The following CTBP2 variants were observed in gnomAD, a reference collection of about 807,000 sequenced individuals.
CTBP2 encodes the protein C-terminal-binding protein 2.
Under a neutral mutation model 80.3 loss-of-function variants are expected in CTBP2, and 30 were observed. That is an observed-to-expected ratio of 0.37 (90% CI 0.28 to 0.51). The LOEUF (loss-of-function observed/expected upper bound fraction) is 0.51, where lower values mean the gene tolerates loss of function less well. Among genes scored for constraint, CTBP2 ranks in the 20% least tolerant of loss-of-function variants. The pLI, the probability that CTBP2 is intolerant of heterozygous loss-of-function variation, is 0.93. For missense variants in CTBP2, 1,212 were observed against 1,375.3 expected (o/e 0.88, Z 1.88); for synonymous variants, 594 against 587.4 (o/e 1.01, Z -0.16).
intron 1 of CTBP2, among the ~76,000 whole-genome samples, chr10:125,013,946 G>A (rs1956207636): frequency 6.6e-6 from 1 of 152,174 alleles, no homozygotes; most frequent in South Asian, 2.1e-4. Context: ...TTTACTGCAG[G>A]AATGTGATTG....
At position 125,100,265 on chromosome 10, in the gene CTBP2, T is replaced by C. The variant is rs140594227; in HGVS notation, c.-102+10725A>G. Among the ~76,000 whole-genome samples the C allele has an allele frequency of 2.8e-4, 43 of 152,330 alleles. No homozygotes were observed. The East Asian group carries it at 7.9e-3, about 28-fold the overall frequency. ...GCAGACAACAGTGAAAAAAATGGTA[T>C]TTGATGATTGGCCACCCAATTCTCA... On this transcript the variant is annotated intron_variant, in intron 2 of 10. Coordinates refer to the CTBP2 transcript ENST00000337195.
At chr10:125,092,643 T>C (rs1173347358) in intron 2 of CTBP2, among the ~76,000 whole-genome samples, 3 of 152,268 alleles carry the variant, frequency 2.0e-5, no homozygotes, top group Non-Finnish European at 2.9e-5. Context: ...AGTTCCATAG[T>C]AGCAAGTCAG....
intron 2 of CTBP2, among the ~76,000 whole-genome samples, chr10:125,078,942 C>G (rs1846724754): frequency 6.7e-6 from 1 of 149,408 alleles, no homozygotes; most frequent in Non-Finnish European, 1.5e-5. Flanking sequence ...AGTTCAAGAC[C>G]AGCCTGGCCA....
intron 3 of CTBP2, among the ~76,000 whole-genome samples, chr10:125,033,773 C>T (rs1033705532): frequency 4.6e-5 from 7 of 152,002 alleles, no homozygotes; most frequent in Non-Finnish European, 7.4e-5. Context: ...CCAAAGGTGC[C>T]GGGACCAAGA....
rs1349851095 is a variant in CTBP2, at chr10:125,150,632, T to TGACTAA, written c.-206+9681_-206+9686dup. ...CCCTGACTCTTCATTGGTAAAACAGTGACTAACTATCACCTGTGCCTCTGC... is the reference window on the plus strand; with the variant it reads ...CCCTGACTCTTCATTGGTAAAACAGTGACTAAGACTAACTATCACCTGTGCCTCTGC... On this transcript the variant is annotated intron_variant, in intron 1 of 10. Transcript: ENST00000337195. Among the ~76,000 whole-genome samples, 8 of 151,726 alleles carry TGACTAA rather than the reference T, an allele frequency of 5.3e-5. No individual in the cohort carries two copies. The East Asian group carries it at 1.4e-3, about 27-fold the overall frequency.
intron 2 of CTBP2, among the ~76,000 whole-genome samples, chr10:125,076,063 C>T (rs1249718045): frequency 6.6e-6 from 1 of 152,226 alleles, no homozygotes; most frequent in Non-Finnish European, 1.5e-5. Context: ...GTGCTATCAT[C>T]ACACAATGGA....
intron 2 of CTBP2, among the ~76,000 whole-genome samples, chr10:125,044,345 G>A (rs1960683278): frequency 6.6e-6 from 1 of 152,230 alleles, no homozygotes; most frequent in African/African-American, 2.4e-5. Context: ...TGTGGTGCTG[G>A]CGGCACATCT....
chr10:125,050,953 A>AG (rs995134855), intron 2 of CTBP2, among the ~76,000 whole-genome samples: 36 of 152,176 alleles, frequency 2.4e-4, no homozygotes, highest in African/African-American at 8.2e-4. Flanking sequence ...CTGGATGAGG[A>AG]GGGTGGATGG....
chr10:125,147,110 G>C (rs553036934), intron 1 of CTBP2, among the ~76,000 whole-genome samples: 1 of 152,342 alleles, frequency 6.6e-6, no homozygotes, highest in African/African-American at 2.4e-5. Context: ...GGACCTGGGA[G>C]GGTGAAGGGA....
At chr10:125,160,258 C>G (rs1221421045) in intron 1 of CTBP2, 61 bp downstream of exon 1, 5 of 151,980 alleles carry the variant, frequency 3.3e-5, no homozygotes, top group South Asian at 1.8e-4. Flanking sequence ...GCCCCCAGCC[C>G]GCGGCCGCAG....
intron 2 of CTBP2, among the ~76,000 whole-genome samples, chr10:125,039,502 C>A (rs1478558581): frequency 6.6e-6 from 1 of 152,218 alleles, no homozygotes; most frequent in Non-Finnish European, 1.5e-5. Context: ...TGGCAGAGAC[C>A]AAGTGACAGC....
At chr10:125,000,876 G>A (rs1039423270) in intron 3 of CTBP2, 4 of 152,274 alleles carry the variant, frequency 2.6e-5, no homozygotes, top group African/African-American at 9.6e-5. Flanking sequence ...AAGGACGTCT[G>A]GACAGAGGCT....
chr10:125,086,895 A>G (rs1337345219), intron 2 of CTBP2, among the ~76,000 whole-genome samples: 1 of 152,048 alleles, frequency 6.6e-6, no homozygotes, highest in Non-Finnish European at 1.5e-5. Flanking sequence ...CTAGAACACA[A>G]GTTCAGTGGG....
intron 1 of CTBP2, among the ~76,000 whole-genome samples, chr10:125,008,714 G>A (rs183441715): frequency 9.2e-5 from 14 of 152,306 alleles, no homozygotes; most frequent in Admixed American, 2.0e-4. Flanking sequence ...TTTCCTCCCC[G>A]TCTAATTAGG....
chr10:125,079,024 G>A (rs1271656373), intron 2 of CTBP2, among the ~76,000 whole-genome samples: 2 of 151,406 alleles, frequency 1.3e-5, no homozygotes, highest in South Asian at 2.1e-4. Context: ...ACGAGTGCCT[G>A]TAATGCCAGC....
chr10:125,036,332 G>A lies in CTBP2; in HGVS notation c.58+2665C>T, dbSNP rs56863122. Among the ~76,000 whole-genome samples, 9 of 152,278 alleles carry A rather than the reference G, an allele frequency of 5.9e-5. No individual in the cohort carries two copies. In the East Asian group the frequency reaches 1.5e-3, roughly 26 times the overall value. On this transcript the variant is annotated intron_variant, in intron 3 of 10. Coordinates refer to the CTBP2 transcript ENST00000337195. ...AGAGGCCTGCCTGATTCCAGCCTAG[G>A]GACCCACGACCAGGGCTTGATGTTG...
Position 125,027,912 on chromosome 10 carries a change from A to C in CTBP2, c.-153T>G. 1 of 1,425,642 alleles carries C rather than the reference A, an allele frequency of 7.0e-7. No homozygotes were observed. Among genetic ancestry groups the C allele is most frequent in the Non-Finnish European group, 9.1e-7 (1 of 1,094,644 alleles). 88.3% of individuals were successfully genotyped at this position (1,425,642 alleles called of 1,614,324 possible). On this transcript the variant is annotated 5_prime_UTR_variant, in exon 1 of 9. Coordinates refer to ENST00000309035, the MANE Select transcript of CTBP2 (RefSeq NM_022802.3). Reference sequence around the variant, plus strand: ...GTTTTCTGTTTCAAAGCATGGCCTGAATTATTAATCCTCCGAAACCTTAGC... The same window carrying C: ...GTTTTCTGTTTCAAAGCATGGCCTGCATTATTAATCCTCCGAAACCTTAGC...
At chr10:124,992,384 G>A (rs558122333) in intron 8 of CTBP2, among the ~76,000 whole-genome samples, 45 of 151,980 alleles carry the variant, frequency 3.0e-4, no homozygotes, top group African/African-American at 8.9e-4. Context: ...GCAGGTGTGC[G>A]CCACCACACG....
intron 1 of CTBP2, among the ~76,000 whole-genome samples, chr10:125,153,619 C>T (rs1032899031): frequency 2.6e-5 from 4 of 152,184 alleles, no homozygotes; most frequent in Non-Finnish European, 4.4e-5. Flanking sequence ...CACACACCTG[C>T]GGCAGGTACA....
Sources: gnomAD v4.1 joint callset for allele counts (sites outside exome capture counted in the v4.1 genomes callset) on GRCh38, gnomAD v4.1.1 for gene constraint, MANE v1.5 for transcripts, NCBI Gene and HGNC (gene_info 2026-07-23, HGNC 2026-07-21) for gene names.